Variants in NOX4 observed in about 807,000 individuals in gnomAD.
NOX4 encodes the protein NADPH oxidase 4.
A neutral mutation model predicts 87.6 loss-of-function variants in NOX4; 69 were observed. That is an observed-to-expected ratio of 0.79 (90% CI 0.65 to 0.96). The LOEUF (loss-of-function observed/expected upper bound fraction) is 0.96. NOX4 is among the 40% of genes least tolerant of loss of function. The pLI is 0.00. For synonymous variants in NOX4, 275 were observed against 238.2 expected, an observed-to-expected ratio of 1.15 and a Z score of -1.42; for missense variants, 680 against 681.5, an observed-to-expected ratio of 1.00 and a Z score of 0.02.
chr11:89,420,232 C>T (rs551953406), intron 8 of NOX4, among the ~76,000 whole-genome samples: 1 of 152,236 alleles, frequency 6.6e-6, no homozygotes, highest in South Asian at 2.1e-4. Context: ...TATTTATTCT[C>T]ATAACATTCT....
At chr11:89,454,624 G>C (rs1251193843) in intron 2 of NOX4, among the ~76,000 whole-genome samples, 4 of 152,046 alleles carry the variant, frequency 2.6e-5, no homozygotes, top group African/African-American at 7.2e-5. Flanking sequence ...GCCAAATGTA[G>C]CTTTAAAAAT....
At chr11:89,466,532 AC>A (rs1945702866) in intron 2 of NOX4, among the ~76,000 whole-genome samples, 1 of 152,196 alleles carries the variant, frequency 6.6e-6, no homozygotes, top group Admixed American at 6.5e-5. Context: ...ATTGGTCTGT[AC>A]TTTTAAAGTA....
the NOX4 span, among the ~76,000 whole-genome samples, chr11:89,537,723 T>C: frequency 2.6e-5 from 4 of 152,148 alleles, no homozygotes; most frequent in East Asian, 5.8e-4. Flanking sequence ...ACTCTTCCAT[T>C]TGAAGGCCAG....
At chr11:89,578,482 T>G in the NOX4 span, among the ~76,000 whole-genome samples, 2 of 152,320 alleles carry the variant, frequency 1.3e-5, no homozygotes, top group African/African-American at 4.8e-5. Flanking sequence ...AAATCATTTC[T>G]AATAGATATA....
chr11:89,337,581 T>G, intron 15 of NOX4, 66 bp from the exon 16 acceptor site: 2 of 1,592,460 alleles, frequency 1.3e-6, no homozygotes, highest in Admixed American at 3.4e-5. Flanking sequence ...TTTCTCCTAT[T>G]CTAACATACT....
chr11:89,420,560 T>C (rs1031647157), intron 8 of NOX4, among the ~76,000 whole-genome samples: 3 of 152,088 alleles, frequency 2.0e-5, no homozygotes, highest in African/African-American at 7.2e-5. Context: ...CCAGGACATA[T>C]GGGATATTTG....
Position 89,325,282 on chromosome 11 carries a change from C to A in NOX4, c.*1474G>T, listed in dbSNP as rs1156275416. On this transcript the variant is annotated 3_prime_UTR_variant, in exon 18 of 18. Coordinates refer to ENST00000263317, the MANE Select transcript of NOX4 (RefSeq NM_016931.5). ...GGGATTATAGGCACCCGCCACCACACCCGCCTAATATTTGTATTTTTAGTA... is the reference window on the plus strand; with the variant it reads ...GGGATTATAGGCACCCGCCACCACAACCGCCTAATATTTGTATTTTTAGTA... 1 of 151,988 alleles carries A rather than the reference C, an allele frequency of 6.6e-6. No individual in the cohort carries two copies. The highest frequency in any genetic ancestry group is 1.5e-5 in the Non-Finnish European group (1 of 68,022). 9.4% of individuals were successfully genotyped at this position (151,988 alleles called of 1,614,324 possible).
intron 12 of NOX4, among the ~76,000 whole-genome samples, chr11:89,364,114 G>A (rs185114797): frequency 6.6e-6 from 1 of 152,116 alleles, no homozygotes; most frequent in Non-Finnish European, 1.5e-5. Context: ...AGATGTGGTG[G>A]TATACACCTG....
the NOX4 span, among the ~76,000 whole-genome samples, chr11:89,588,611 C>G: frequency 6.6e-6 from 1 of 152,174 alleles, no homozygotes; most frequent in East Asian, 1.9e-4. Flanking sequence ...ATGCTGCAGG[C>G]CTCTGCACTT....
chr11:89,373,682 C>T (rs1233686468), intron 11 of NOX4, among the ~76,000 whole-genome samples, 190 bp from the exon 12 acceptor site: 1 of 151,912 alleles, frequency 6.6e-6, no homozygotes, highest in Non-Finnish European at 1.5e-5. Context: ...GTAAGACAAT[C>T]TACATTTCTC....
the NOX4 span, among the ~76,000 whole-genome samples, chr11:89,519,473 G>A: frequency 6.6e-6 from 1 of 151,982 alleles, no homozygotes; most frequent in Non-Finnish European, 1.5e-5. Context: ...AAGAAGTAAT[G>A]TATTGATGTA....
chr11:89,555,526 A>C, the NOX4 span, among the ~76,000 whole-genome samples: 3 of 152,142 alleles, frequency 2.0e-5, no homozygotes, highest in Non-Finnish European at 4.4e-5. Flanking sequence ...TTCTTTATTT[A>C]TCCTGTTATT....
In NOX4 at chr11:89,451,780, C is replaced by G. The variant is rs769284222; in HGVS notation, c.264+5G>C. 7 of 1,595,582 alleles carry G rather than the reference C, an allele frequency of 4.4e-6. No homozygotes were observed. Among genetic ancestry groups the G allele is most frequent in the Non-Finnish European group, 6.0e-6 (7 of 1,163,836 alleles). On this transcript the variant is annotated splice_donor_5th_base_variant and intron_variant, in intron 3 of 17. Coordinates refer to ENST00000263317, the MANE Select transcript of NOX4 (RefSeq NM_016931.5). ...GAATTTGAAAGTAGGACTGTTTTTT[C>G]TTACCTTCTGTGATCCTCGGAGGTA...
At chr11:89,507,714 CT>C in the NOX4 span, among the ~76,000 whole-genome samples, 1 of 151,812 alleles carries the variant, frequency 6.6e-6, no homozygotes, top group African/African-American at 2.4e-5. Flanking sequence ...TTCATTGACT[CT>C]TTTACTCTTA....
chr11:89,397,074 C>A (rs317159), intron 11 of NOX4, among the ~76,000 whole-genome samples: 4,031 of 152,192 alleles, frequency 0.026, 175 homozygotes, highest in African/African-American at 0.093. Context: ...GGAAGTAAAG[C>A]ACTCCTCAGG....
intron 2 of NOX4, among the ~76,000 whole-genome samples, chr11:89,473,003 G>A (rs926499236): frequency 6.6e-6 from 1 of 152,082 alleles, no homozygotes; most frequent in African/African-American, 2.4e-5. Flanking sequence ...AAGTGAAAAA[G>A]GTTTGACCTC....
At chr11:89,440,241 C>T (rs571240891) in intron 6 of NOX4, among the ~76,000 whole-genome samples, 2 of 152,282 alleles carry the variant, frequency 1.3e-5, no homozygotes, top group African/African-American at 2.4e-5. Flanking sequence ...TTCTTACATG[C>T]AAATTGTCCA....
intron 8 of NOX4, among the ~76,000 whole-genome samples, chr11:89,417,270 G>GTT (rs1179416335): frequency 6.6e-6 from 1 of 152,096 alleles, no homozygotes; most frequent in Non-Finnish European, 1.5e-5. Flanking sequence ...TTATCAGTAA[G>GTT]TGAGAATAGC....
Position 89,421,903 on chromosome 11 carries a change from C to A in NOX4, c.628G>T (p.Gly210Ter). The change falls in exon 8 of 18, where the codon GGA becomes TGA. Residue 210 changes from glycine to a stop codon, truncating the protein, a stop_gained and splice_region_variant. Transcript: ENST00000263317. LOFTEE classifies it high-confidence loss of function. ...AAATACATACATTTGTAAACTTACCCTGAAACATGCAACGTCAGCAGCATG... is the reference window on the plus strand; with the variant it reads ...AAATACATACATTTGTAAACTTACCATGAAACATGCAACGTCAGCAGCATG... ...FYMLLTLHVSGGLLKYQTNLD... is the reference protein window; with the variant it reads ...FYMLLTLHVS 6.4e-7 allele frequency: 1 copy of A among 1,559,634 alleles called. No individual in the cohort carries two copies. Among genetic ancestry groups the A allele is most frequent in the South Asian group, 1.2e-5 (1 of 83,034 alleles).
Sources: gnomAD v4.1 joint callset for allele counts (sites outside exome capture counted in the v4.1 genomes callset) on GRCh38, gnomAD v4.1.1 for gene constraint, MANE v1.5 for transcripts, NCBI Gene and HGNC (gene_info 2026-07-23, HGNC 2026-07-21) for gene names.